The following YES1 variants were observed in gnomAD, a reference collection of about 807,000 sequenced individuals.
YES1 encodes the protein YES proto-oncogene 1, Src family tyrosine kinase, also known as tyrosine-protein kinase Yes.
A neutral mutation model predicts 70.4 loss-of-function variants in YES1; 39 were observed. The ratio of observed to expected loss-of-function variants is 0.55; its 90% CI spans 0.43 to 0.72. The LOEUF is 0.72. YES1 is among the 30% of genes least tolerant of loss of function. The pLI, the probability that YES1 is intolerant of heterozygous loss-of-function variation, is 0.00. For synonymous variants in YES1, 198 were observed against 218.6 expected, an observed-to-expected ratio of 0.91 and a Z score of 0.83; for missense variants, 495 against 644.8, an observed-to-expected ratio of 0.77 and a Z score of 2.52.
intron 1 of YES1, among the ~76,000 whole-genome samples, chr18:804,609 C>CAAAA (rs57896154): frequency 2.6e-4 from 10 of 38,782 alleles, no homozygotes; most frequent in East Asian, 1.5e-3. Flanking sequence ...GACTGAGTCT[C>CAAAA]AAAAAAAAAA....
intron 1 of YES1, among the ~76,000 whole-genome samples, chr18:775,633 C>T (rs142167820): frequency 1.1e-4 from 17 of 152,070 alleles, no homozygotes; most frequent in African/African-American, 3.6e-4. Flanking sequence ...CTCATCTCTA[C>T]AAAAAGTAAA....
At chr18:724,700 C>T (rs999287732) in intron 11 of YES1, 68 bp from the exon 12 acceptor site, 2 of 1,243,186 alleles carry the variant, frequency 1.6e-6, no homozygotes, top group Non-Finnish European at 2.3e-6. Flanking sequence ...ATAACAAACC[C>T]CCTAGCCACT....
intron 1 of YES1, among the ~76,000 whole-genome samples, chr18:806,247 T>C (rs1907090886): frequency 1.3e-5 from 2 of 152,214 alleles, no homozygotes; most frequent in African/African-American, 4.8e-5. Context: ...ACTAAAATAG[T>C]ACAACGTATT....
chr18:778,421 T>C (rs1470206133), intron 1 of YES1, among the ~76,000 whole-genome samples: 2 of 152,266 alleles, frequency 1.3e-5, no homozygotes, highest in African/African-American at 2.4e-5. Flanking sequence ...CCTGTCAGCA[T>C]GACAATGTTG....
At chr18:788,682 G>A (rs1415256627) in intron 1 of YES1, among the ~76,000 whole-genome samples, 1 of 152,210 alleles carries the variant, frequency 6.6e-6, no homozygotes, top group African/African-American at 2.4e-5. Flanking sequence ...CACTTTGGGA[G>A]GCCAAGGTGG....
At chr18:802,291 G>T (rs936316110) in intron 1 of YES1, among the ~76,000 whole-genome samples, 6 of 152,156 alleles carry the variant, frequency 3.9e-5, no homozygotes, top group African/African-American at 1.4e-4. Flanking sequence ...AGTATTGCCA[G>T]GCGTGGTGGC....
At chr18:801,631 A>T (rs909035664) in intron 1 of YES1, among the ~76,000 whole-genome samples, 1 of 152,230 alleles carries the variant, frequency 6.6e-6, no homozygotes, top group East Asian at 1.9e-4. Flanking sequence ...AATATTGTAC[A>T]GTAGCAATTT....
At chr18:767,750 G>C (rs1904978199) in intron 1 of YES1, among the ~76,000 whole-genome samples, 1 of 152,058 alleles carries the variant, frequency 6.6e-6, no homozygotes, top group Non-Finnish European at 1.5e-5. Context: ...GCCTAGGCTG[G>C]AGTACAGGGG....
At chr18:760,516 C>A (rs1024214625) in intron 1 of YES1, among the ~76,000 whole-genome samples, 2 of 152,002 alleles carry the variant, frequency 1.3e-5, no homozygotes, top group African/African-American at 2.4e-5. Context: ...CCCCAAAAAA[C>A]CGCATATGGG....
At chr18:743,203 G>A in intron 7 of YES1, 57 bp downstream of exon 7, 1 of 1,572,040 alleles carries the variant, frequency 6.4e-7, no homozygotes, top group Non-Finnish European at 8.6e-7. Flanking sequence ...ATCATAAATT[G>A]TTGCACTTTA....
At chr18:731,966 C>CAAAAAAAAAA (rs1165333694) in intron 11 of YES1, among the ~76,000 whole-genome samples, 2 of 79,970 alleles carry the variant, frequency 2.5e-5, no homozygotes, top group African/African-American at 1.0e-4. Flanking sequence ...GACTCCATTT[C>CAAAAAAAAAA]AAAAAAAAAA....
chr18:785,761 C>T (rs1250741317), intron 1 of YES1, among the ~76,000 whole-genome samples: 1 of 150,944 alleles, frequency 6.6e-6, no homozygotes, highest in South Asian at 2.1e-4. Flanking sequence ...CCCAGTGAGA[C>T]CTTGTCTCTA....
In YES1 at chr18:757,364, G is replaced by A. The variant is rs189347625; in HGVS notation, c.-8-529C>T. ...TAAAAATGCAAAAAATTAGCCGGGC[G>A]TGGTGGTGGGCGCCTGTAGTCCCAG... On this transcript the variant is annotated intron_variant, in intron 1 of 11. Transcript: ENST00000314574. 4.0e-4 allele frequency among the ~76,000 whole-genome samples: 61 copies of A among 152,172 alleles called. 1 individual carries two copies. Among genetic ancestry groups the A allele is most frequent in the Admixed American group, 2.7e-3 (41 of 15,278 alleles).
At chr18:770,017 G>T (rs1308920101) in intron 1 of YES1, among the ~76,000 whole-genome samples, 1 of 151,152 alleles carries the variant, frequency 6.6e-6, no homozygotes, top group Non-Finnish European at 1.5e-5. Flanking sequence ...GCAGTGGCGT[G>T]ATCCCGGCTC....
intron 1 of YES1, among the ~76,000 whole-genome samples, chr18:807,922 C>T (rs1051306735): frequency 1.4e-4 from 22 of 152,108 alleles, no homozygotes; most frequent in African/African-American, 4.6e-4. Flanking sequence ...AAGTATAATG[C>T]TTCAAGGAAC....
intron 1 of YES1, among the ~76,000 whole-genome samples, chr18:757,481 C>T (rs1304918501): frequency 5.6e-5 from 7 of 125,548 alleles, no homozygotes; most frequent in East Asian, 2.3e-4. Flanking sequence ...CCAGCCTGGG[C>T]GACAGAGCGA....
intron 9 of YES1, chr18:738,220 CA>C (rs1415940885): frequency 6.6e-6 from 1 of 151,936 alleles, no homozygotes; most frequent in Non-Finnish European, 1.5e-5. Context: ...GGTAAGATTC[CA>C]AAACCAGCAT....
chr18:744,377 C>T (rs548810675), intron 6 of YES1, among the ~76,000 whole-genome samples: 3 of 146,786 alleles, frequency 2.0e-5, no homozygotes, highest in Non-Finnish European at 4.5e-5. Flanking sequence ...CATTTAGGAT[C>T]ATTTAGGAGA....
At chr18:792,373 T>A (rs893993855) in intron 1 of YES1, among the ~76,000 whole-genome samples, 1 of 151,220 alleles carries the variant, frequency 6.6e-6, no homozygotes, top group Non-Finnish European at 1.5e-5. Context: ...AAAAATAAAA[T>A]AAAAAATAAA....
Sources: allele counts gnomAD v4.1 joint callset (sites outside exome capture counted in the v4.1 genomes callset), GRCh38; gene constraint gnomAD v4.1.1; transcripts MANE v1.5; gene names NCBI Gene and HGNC (gene_info 2026-07-23, HGNC 2026-07-21).